Variants in FAM107B observed in about 807,000 individuals in gnomAD.
The protein encoded by FAM107B is family with sequence similarity 107 member B, also known as protein FAM107B.
In FAM107B, 21 loss-of-function variants were observed where a neutral mutation model predicts 31.5. That is an observed-to-expected ratio of 0.67 (90% CI 0.47 to 0.96). The LOEUF (loss-of-function observed/expected upper bound fraction) is 0.96. Ranked by LOEUF, FAM107B falls within the 40% of genes least tolerant of loss-of-function variation. The pLI is 0.00. For synonymous variants in FAM107B, 157 were observed against 141.5 expected, an observed-to-expected ratio of 1.11 and a Z score of -0.78; for missense variants, 452 against 377.1, an observed-to-expected ratio of 1.20 and a Z score of -1.64.
chr10:14,645,403 GC>G (rs1284032733), intron 2 of FAM107B, among the ~76,000 whole-genome samples: 9 of 152,276 alleles, frequency 5.9e-5, no homozygotes, highest in Middle Eastern at 6.8e-3. Context: ...ACCAAGAATG[GC>G]TTTTAGGTTT....
chr10:14,572,944 ATTG>A (rs1475793570), intron 2 of FAM107B, among the ~76,000 whole-genome samples: 1 of 151,706 alleles, frequency 6.6e-6, no homozygotes, highest in Non-Finnish European at 1.5e-5. Flanking sequence ...CCAGTTCTAG[ATTG>A]TTATTACTAT....
chr10:14,731,352 A>C (rs1280221850), intron 1 of FAM107B, among the ~76,000 whole-genome samples: 1 of 152,178 alleles, frequency 6.6e-6, no homozygotes, highest in Non-Finnish European at 1.5e-5. Context: ...ACCTGAGATC[A>C]GGAGTTTGAG....
chr10:14,531,731 G>T lies in FAM107B; in HGVS notation c.470-1216C>A, dbSNP rs142528650. On this transcript the variant is annotated intron_variant, in intron 2 of 4. Coordinates refer to ENST00000181796, the MANE Select transcript of FAM107B (RefSeq NM_031453.4). ...GTGGCGTAGTCCCAGCTACTTAGGA[G>T]GCTGAGGCAGGAGAATCGCTTGAAG... Among the ~76,000 whole-genome samples, 852 of 152,212 alleles carry T rather than the reference G, an allele frequency of 5.6e-3. 7 individuals carry two copies. Among genetic ancestry groups the T allele is most frequent in the African/African-American group, 0.019 (802 of 41,524 alleles).
chr10:14,558,279 GCA>G (rs370814958), intron 2 of FAM107B, among the ~76,000 whole-genome samples: 8 of 148,440 alleles, frequency 5.4e-5, no homozygotes, highest in Non-Finnish European at 1.0e-4. Context: ...ATACGTGCAC[GCA>G]CACACACACA....
intron 1 of FAM107B, among the ~76,000 whole-genome samples, chr10:14,742,588 G>T (rs1832638967): frequency 6.6e-6 from 1 of 152,166 alleles, no homozygotes; most frequent in South Asian, 2.1e-4. Flanking sequence ...TGCTGGATGA[G>T]TTATTTCTCT....
At chr10:14,764,160 A>G (rs1833115329) in intron 1 of FAM107B, among the ~76,000 whole-genome samples, 1 of 152,264 alleles carries the variant, frequency 6.6e-6, no homozygotes, top group Admixed American at 6.5e-5. Context: ...ACGATCATGC[A>G]TTGTTTTATA....
chr10:14,608,650 G>A (rs1032459895), intron 2 of FAM107B, among the ~76,000 whole-genome samples: 10 of 152,168 alleles, frequency 6.6e-5, no homozygotes, highest in Non-Finnish European at 1.0e-4. Flanking sequence ...CAACAGCCCC[G>A]TCCAGGAGGG....
chr10:14,575,509 C>T (rs1851437977), intron 2 of FAM107B, among the ~76,000 whole-genome samples: 1 of 152,038 alleles, frequency 6.6e-6, no homozygotes, highest in African/African-American at 2.4e-5. Context: ...GGCCAAGAAG[C>T]TTTTCAATGG....
At position 14,518,909 on chromosome 10, in the gene FAM107B, G is replaced by C. The variant is rs1272946036; in HGVS notation, c.*2281C>G. ...AGCACAAAACTGCTCAGATGTTCAAGAGTCCTAGGAGTTTGGGCTGCACAG... is the reference window on the plus strand; with the variant it reads ...AGCACAAAACTGCTCAGATGTTCAACAGTCCTAGGAGTTTGGGCTGCACAG... On this transcript the variant is annotated 3_prime_UTR_variant, in exon 5 of 5. Coordinates refer to ENST00000181796, the MANE Select transcript of FAM107B (RefSeq NM_031453.4). 2 of 152,608 alleles carry C rather than the reference G, an allele frequency of 1.3e-5. No individual in the cohort carries two copies. The highest frequency in any genetic ancestry group is 6.5e-5 in the Admixed American group (1 of 15,276). The allele number at this position is 152,608 out of a possible 1,614,324, so 9.5% of individuals were successfully genotyped here. A position where few individuals can be genotyped will look rare whatever the true frequency, so the allele number is the denominator to read the frequency against.
intron 2 of FAM107B, among the ~76,000 whole-genome samples, chr10:14,601,811 C>G (rs1042543668): frequency 6.6e-6 from 1 of 152,176 alleles, no homozygotes; most frequent in African/African-American, 2.4e-5. Context: ...TTCCTCTTTC[C>G]ATCAGGAGAG....
chr10:14,576,599 A>G (rs1033878424), intron 2 of FAM107B, among the ~76,000 whole-genome samples: 2 of 152,226 alleles, frequency 1.3e-5, no homozygotes, highest in Non-Finnish European at 2.9e-5. Context: ...AACTCTCACA[A>G]AATTATGGCT....
intron 1 of FAM107B, among the ~76,000 whole-genome samples, chr10:14,709,206 T>C (rs764473459): frequency 6.6e-6 from 1 of 152,240 alleles, no homozygotes; most frequent in Non-Finnish European, 1.5e-5. Flanking sequence ...TTTACCCAAA[T>C]GACTGGAAAC....
chr10:14,768,875 T>C (rs1833239228), intron 1 of FAM107B, among the ~76,000 whole-genome samples: 1 of 152,230 alleles, frequency 6.6e-6, no homozygotes, highest in African/African-American at 2.4e-5. Flanking sequence ...ATCAGGCTCT[T>C]GTAAACTATC....
chr10:14,662,573 T>C (rs1030737844), intron 2 of FAM107B, among the ~76,000 whole-genome samples: 1 of 152,156 alleles, frequency 6.6e-6, no homozygotes, highest in Admixed American at 6.5e-5. Flanking sequence ...AGACTGGGTC[T>C]CACCATGATG....
intron 1 of FAM107B, among the ~76,000 whole-genome samples, chr10:14,668,819 T>G (rs1854471127): frequency 6.6e-6 from 1 of 152,226 alleles, no homozygotes; most frequent in East Asian, 1.9e-4. Flanking sequence ...GCAGGAAGGC[T>G]ACTGTGCTTA....
chr10:14,551,612 A>C (rs952861438), intron 2 of FAM107B, among the ~76,000 whole-genome samples: 2 of 147,852 alleles, frequency 1.4e-5, no homozygotes, highest in African/African-American at 5.0e-5. Context: ...TAAGGACACT[A>C]TTTTCCTAAT....
intron 2 of FAM107B, among the ~76,000 whole-genome samples, chr10:14,544,088 C>A (rs1473690652): frequency 1.3e-5 from 2 of 152,184 alleles, no homozygotes; most frequent in South Asian, 4.1e-4. Context: ...AGAGACTCAA[C>A]TGCTTGGCCC....
intron 1 of FAM107B, among the ~76,000 whole-genome samples, chr10:14,728,964 A>G (rs775495305): frequency 4.6e-5 from 7 of 152,140 alleles, no homozygotes; most frequent in Non-Finnish European, 8.8e-5. Context: ...CAGTTGTTCA[A>G]TTCTCAACTC....
At chr10:14,740,996 G>A (rs80250528) in intron 1 of FAM107B, among the ~76,000 whole-genome samples, 4,828 of 152,188 alleles carry the variant, frequency 0.032, 253 homozygotes, top group African/African-American at 0.11. Context: ...AGGAAACGAT[G>A]TGTGAAAACT....
Sources: allele counts gnomAD v4.1 joint callset (sites outside exome capture counted in the v4.1 genomes callset), GRCh38; gene constraint gnomAD v4.1.1; transcripts MANE v1.5; gene names NCBI Gene and HGNC (gene_info 2026-07-23, HGNC 2026-07-21).